Variants in XDH observed in about 807,000 individuals in gnomAD.
XDH encodes xanthine dehydrogenase/oxidase.
XDH carries 138 observed loss-of-function variants against 156.1 expected under a neutral mutation model. The ratio of observed to expected loss-of-function variants is 0.88; its 90% CI spans 0.77 to 1.02. The LOEUF (loss-of-function observed/expected upper bound fraction) is 1.02. Ranked by LOEUF, XDH falls within the 50% of genes least tolerant of loss-of-function variation. XDH has a pLI of 0.00. For missense variants in XDH, 1,849 were observed against 1,684.9 expected, an observed-to-expected ratio of 1.10 and a Z score of -1.71; for synonymous variants, 669 against 625.7, an observed-to-expected ratio of 1.07 and a Z score of -1.03.
At chr2:31,349,907 C>G in intron 25 of XDH, 76 bp from the exon 26 acceptor site, 1 of 1,612,008 alleles carries the variant, frequency 6.2e-7, no homozygotes, top group Admixed American at 1.7e-5. Context: ...TAAAGTTAAG[C>G]TTCCAACCCC....
intron 3 of XDH, 55 bp from the exon 4 acceptor site, chr2:31,401,383 G>C: frequency 6.3e-7 from 1 of 1,582,498 alleles, no homozygotes. Context: ...TCATCAGAAT[G>C]GGCCTGACTG....
chr2:31,382,309 G>A (rs897124408), intron 11 of XDH, among the ~76,000 whole-genome samples: 1 of 151,804 alleles, frequency 6.6e-6, no homozygotes, highest in Admixed American at 6.6e-5. Flanking sequence ...TACAGTTTAT[G>A]TTTCCTTATC....
At chr2:31,397,831 G>C (rs1443467718) in intron 5 of XDH, 102 bp from the exon 6 acceptor site, 1 of 1,334,376 alleles carries the variant, frequency 7.5e-7, no homozygotes, top group East Asian at 2.3e-5. Flanking sequence ...TCTTTACCAG[G>C]CTGCATATTC....
chr2:31,363,959 T>C (rs1020141116), intron 24 of XDH, among the ~76,000 whole-genome samples, 199 bp downstream of exon 24: 1 of 152,192 alleles, frequency 6.6e-6, no homozygotes, highest in Non-Finnish European at 1.5e-5. Context: ...ACAGGAAGGA[T>C]GGGTTTTTAA....
At position 31,372,405 on chromosome 2, in the gene XDH, G is replaced by T. The variant is rs370270278; in HGVS notation, c.1687-8C>A. 5.1e-5 allele frequency: 82 copies of T among 1,613,854 alleles called. No homozygotes were observed. The highest frequency in any genetic ancestry group is 6.8e-5 in the Non-Finnish European group (80 of 1,180,044). On this transcript the variant is annotated splice_polypyrimidine_tract_variant and splice_region_variant and intron_variant, in intron 16 of 35. Transcript: ENST00000379416. Reference sequence around the variant, plus strand: ...CTGACCCTTGGGCACCTCCTGGAATGACAGGGTCATCAATCAGGGTGAGCT... The same window carrying T: ...CTGACCCTTGGGCACCTCCTGGAATTACAGGGTCATCAATCAGGGTGAGCT...
At position 31,377,156 on chromosome 2, in the gene XDH, A is replaced by G; in HGVS notation, c.1324T>C (p.Phe442Leu). The change falls in exon 14 of 36, where the codon TTC becomes CTC. Residue 442 changes from phenylalanine (F) to leucine (L), a missense_variant. Coordinates refer to ENST00000379416, the MANE Select transcript of XDH (RefSeq NM_000379.4). ...TGTACCTCTGTGGTTCCTGGCTTGA[A>G]TAAAACTCTCATGCCACTGGTTACC... ...AKVTSGMRVL[F>L]KPGTTEVQEL... The G allele has an allele frequency of 6.2e-7, 1 of 1,614,144 alleles. No homozygotes were observed. Among genetic ancestry groups the G allele is most frequent in the South Asian group, 1.1e-5 (1 of 91,078 alleles).
intron 13 of XDH, 144 bp from the exon 14 acceptor site, chr2:31,377,381 A>G (rs918046413): frequency 2.3e-5 from 20 of 854,972 alleles, no homozygotes; most frequent in Non-Finnish European, 3.6e-5. Context: ...GGAATCAAAG[A>G]TCAAATGTAA....
chr2:31,346,767 AC>A lies in XDH; in HGVS notation c.3351+1del, dbSNP rs1280985307. ...ACGTGACTTGGATCAGCTCAGACTT[AC>A]CCAGTCTTCCCAGGAGCCACTGGGA... On this transcript the variant is annotated splice_donor_variant, in intron 30 of 35. Coordinates refer to ENST00000379416, the MANE Select transcript of XDH (RefSeq NM_000379.4). LOFTEE classifies it high-confidence loss of function. 6.2e-7 allele frequency: 1 copy of A among 1,614,024 alleles called. No individual in the cohort carries two copies. Among genetic ancestry groups the A allele is most frequent in the Non-Finnish European group, 8.5e-7 (1 of 1,180,012 alleles).
intron 29 of XDH, 95 bp from the exon 30 acceptor site, chr2:31,346,938 C>A: frequency 6.6e-7 from 1 of 1,515,082 alleles, no homozygotes; most frequent in Non-Finnish European, 9.1e-7. Context: ...TACCTCCAAG[C>A]AATGCTGTAC....
intron 24 of XDH, among the ~76,000 whole-genome samples, chr2:31,362,300 A>T (rs1685799584): frequency 6.6e-6 from 1 of 152,126 alleles, no homozygotes. Flanking sequence ...CAAAAAGGGG[A>T]GGCTCTCTGC....
intron 2 of XDH, 76 bp from the exon 3 acceptor site, chr2:31,403,220 G>C: frequency 1.3e-6 from 2 of 1,512,924 alleles, no homozygotes; most frequent in Non-Finnish European, 9.1e-7. Context: ...CCTGGGCAGA[G>C]CTGTGGGCAG....
chr2:31,353,267 G>C (rs1384264982), intron 24 of XDH, among the ~76,000 whole-genome samples: 1 of 151,984 alleles, frequency 6.6e-6, no homozygotes, highest in Non-Finnish European at 1.5e-5. Context: ...TCTTACCCTG[G>C]TCATTTACAA....
intron 31 of XDH, among the ~76,000 whole-genome samples, chr2:31,343,471 T>C (rs1323841663): frequency 6.9e-6 from 1 of 144,832 alleles, no homozygotes; most frequent in Non-Finnish European, 1.5e-5. Flanking sequence ...TATACATATA[T>C]GTATAATACA....
chr2:31,358,376 T>C (rs1370014041), intron 24 of XDH, among the ~76,000 whole-genome samples: 1 of 152,178 alleles, frequency 6.6e-6, no homozygotes, highest in Non-Finnish European at 1.5e-5. Context: ...CAATCTGTTC[T>C]AGAATTAGAA....
intron 31 of XDH, 117 bp downstream of exon 31, chr2:31,344,567 A>T: frequency 7.8e-6 from 9 of 1,159,802 alleles, no homozygotes; most frequent in Non-Finnish European, 1.2e-5. Flanking sequence ...TCTGTTGAAG[A>T]GATAAGTGGA....
chr2:31,396,346 G>C (rs1201979912), intron 6 of XDH, among the ~76,000 whole-genome samples: 1 of 152,162 alleles, frequency 6.6e-6, no homozygotes, highest in Non-Finnish European at 1.5e-5. Context: ...ACTTTGAGCA[G>C]GTTCTTATGA....
chr2:31,338,529 C>G (rs1458932406), intron 34 of XDH, among the ~76,000 whole-genome samples: 2 of 152,076 alleles, frequency 1.3e-5, no homozygotes, highest in African/African-American at 2.4e-5. Flanking sequence ...GCTTCCCCAC[C>G]CACTATGGTA....
chr2:31,403,209 G>C (rs751177128), intron 2 of XDH, 65 bp from the exon 3 acceptor site: 27 of 1,562,628 alleles, frequency 1.7e-5, no homozygotes, highest in Non-Finnish European at 2.3e-5. Flanking sequence ...GCTAGGAAAT[G>C]CCTGGGCAGA....
chr2:31,387,547 C>T (rs867952220), intron 8 of XDH, among the ~76,000 whole-genome samples: 1 of 152,114 alleles, frequency 6.6e-6, no homozygotes, highest in African/African-American at 2.4e-5. Context: ...CAGTCCCTAT[C>T]CTCATGGGGC....
Sources: gnomAD v4.1 joint callset for allele counts (sites outside exome capture counted in the v4.1 genomes callset) on GRCh38, gnomAD v4.1.1 for gene constraint, MANE v1.5 for transcripts, NCBI Gene and HGNC (gene_info 2026-07-23, HGNC 2026-07-21) for gene names.